PTPRK: variants seen among roughly 807,000 people sequenced by gnomAD.
PTPRK encodes the protein receptor-type tyrosine-protein phosphatase kappa.
A neutral mutation model predicts 178.0 loss-of-function variants in PTPRK; 75 were observed. That is an observed-to-expected ratio of 0.42 (90% confidence interval 0.35 to 0.51). PTPRK has a LOEUF of 0.51. Ranked by LOEUF, PTPRK falls within the 20% of genes least tolerant of loss-of-function variation. The probability of loss-of-function intolerance (pLI) is 0.02; values close to 1 mark genes in which losing one functional copy is unlikely to be tolerated. For synonymous variants in PTPRK, 637 were observed against 620.6 expected (o/e 1.03, Z -0.39); for missense variants, 1,441 against 1,797.8 (o/e 0.80, Z 3.59).
chr6:128,064,610 C>T (rs1485037883), intron 13 of PTPRK, 148 bp downstream of exon 13: 3 of 908,644 alleles, frequency 3.3e-6, no homozygotes, highest in South Asian at 2.8e-5. Flanking sequence ...GAAGTAGCAC[C>T]CCATTAGTTG....
In PTPRK at chr6:127,992,550, G is replaced by T. The variant is rs545398206; in HGVS notation, c.2881+123C>A. 1.9e-5 allele frequency: 13 copies of T among 701,256 alleles called. No individual in the cohort carries two copies. In the African/African-American group the frequency reaches 2.0e-4, roughly 11 times the overall value. The allele number at this position is 701,256 out of a possible 1,614,324, so 43.4% of individuals were successfully genotyped here. Reference sequence around the variant, plus strand: ...GTACTATACAAATGAGTAAGGAGCAGTGTTAATCAGAAGGGCTGATTTTTT... The same window carrying T: ...GTACTATACAAATGAGTAAGGAGCATTGTTAATCAGAAGGGCTGATTTTTT... On this transcript the variant is annotated intron_variant, in intron 19 of 29. Transcript: ENST00000368226.
intron 15 of PTPRK, among the ~76,000 whole-genome samples, chr6:128,002,221 G>T (rs997952146): frequency 8.6e-5 from 13 of 151,738 alleles, no homozygotes; most frequent in African/African-American, 3.1e-4. Flanking sequence ...TTTTAAAAAT[G>T]CAATTGAACA....
chr6:128,034,555 G>A (rs976717207), intron 13 of PTPRK, among the ~76,000 whole-genome samples: 5 of 151,832 alleles, frequency 3.3e-5, no homozygotes, highest in Non-Finnish European at 5.9e-5. Flanking sequence ...TGATACAGGG[G>A]GAAAAAAATC....
intron 1 of PTPRK, among the ~76,000 whole-genome samples, chr6:128,398,144 G>A (rs953072106): frequency 6.6e-6 from 1 of 152,200 alleles, no homozygotes. Context: ...GAGTGCGCGA[G>A]CAGCAGCTCA....
chr6:128,493,280 T>A (rs369524398), intron 1 of PTPRK, among the ~76,000 whole-genome samples: 21 of 152,262 alleles, frequency 1.4e-4, no homozygotes, highest in African/African-American at 5.1e-4. Flanking sequence ...CCCCGCTAAC[T>A]GGCTGGGCGC....
At chr6:128,264,080 G>A (rs1818586470) in intron 3 of PTPRK, among the ~76,000 whole-genome samples, 1 of 152,132 alleles carries the variant, frequency 6.6e-6, no homozygotes, top group Non-Finnish European at 1.5e-5. Flanking sequence ...GAGATTGGCA[G>A]CAAAGCTAAA....
chr6:128,376,522 G>A (rs566904333), intron 2 of PTPRK, among the ~76,000 whole-genome samples: 2 of 152,118 alleles, frequency 1.3e-5, no homozygotes, highest in African/African-American at 2.4e-5. Context: ...TGTGATGGGA[G>A]GGGCTGTTGT....
chr6:128,472,760 C>T (rs1211783216), intron 1 of PTPRK: 1 of 274,238 alleles, frequency 3.6e-6, no homozygotes, highest in African/African-American at 2.3e-5. Flanking sequence ...ATTAAGAAAA[C>T]TTAACATTGA....
chr6:128,152,851 G>A lies in PTPRK; in HGVS notation c.1162+31581C>T, dbSNP rs182067107. ...CATTTATATGATGTGACTCACAAAG[G>A]GGGAGCAACTTGCGGAAGAAGAGTG... On this transcript the variant is annotated intron_variant, in intron 7 of 29. Transcript: ENST00000368226. 6.7e-4 allele frequency among the ~76,000 whole-genome samples: 102 copies of A among 151,998 alleles called. 1 individual carries two copies. Among genetic ancestry groups the A allele is most frequent in the African/African-American group, 2.3e-3 (95 of 41,484 alleles).
chr6:128,058,621 G>A (rs1338805426), intron 13 of PTPRK, among the ~76,000 whole-genome samples: 2 of 151,798 alleles, frequency 1.3e-5, no homozygotes, highest in Non-Finnish European at 2.9e-5. Flanking sequence ...GGCATCTTTT[G>A]ACAGGAAAGA....
At position 127,972,942 on chromosome 6, in the gene PTPRK, G is replaced by C. The variant is rs150551987; in HGVS notation, c.4269+80C>G. On this transcript the variant is annotated intron_variant, in intron 29 of 29. Coordinates refer to ENST00000368226, the MANE Select transcript of PTPRK (RefSeq NM_002844.4). ...TTTTCACATCTGATTCCCTATGTGT[G>C]TATGAAGTCAAATCAATAAGTAGGT... 32 of 1,403,908 alleles carry C rather than the reference G, an allele frequency of 2.3e-5. No homozygotes were observed. The East Asian group carries it at 7.3e-4, about 32-fold the overall frequency. 87.0% of individuals were successfully genotyped at this position (1,403,908 alleles called of 1,614,324 possible).
chr6:128,371,949 T>A (rs1021427687), intron 2 of PTPRK, among the ~76,000 whole-genome samples: 6 of 152,186 alleles, frequency 3.9e-5, no homozygotes, highest in Non-Finnish European at 7.3e-5. Flanking sequence ...CTCAGCTTTT[T>A]AATTACTCTG....
chr6:128,345,004 G>A (rs1048078822), intron 2 of PTPRK, among the ~76,000 whole-genome samples: 1 of 151,046 alleles, frequency 6.6e-6, no homozygotes, highest in African/African-American at 2.4e-5. Flanking sequence ...GAATGGGGGG[G>A]GAAAGTAGGT....
intron 6 of PTPRK, among the ~76,000 whole-genome samples, chr6:128,209,977 T>G (rs1053409118): frequency 5.9e-5 from 9 of 152,130 alleles, no homozygotes; most frequent in Non-Finnish European, 1.2e-4. Context: ...AAGCTGCCAG[T>G]GCCAGGGGGA....
At chr6:128,156,293 C>G (rs1400704641) in intron 7 of PTPRK, among the ~76,000 whole-genome samples, 1 of 151,794 alleles carries the variant, frequency 6.6e-6, no homozygotes, top group African/African-American at 2.4e-5. Context: ...ATAATACATA[C>G]TAGGTATTTG....
intron 6 of PTPRK, among the ~76,000 whole-genome samples, chr6:128,190,674 T>G (rs1193373056): frequency 1.3e-5 from 2 of 151,718 alleles, no homozygotes; most frequent in Non-Finnish European, 2.9e-5. Context: ...AATTTTTGTA[T>G]TTTTAGTAGA....
At chr6:128,002,102 T>C (rs1012796370) in intron 15 of PTPRK, among the ~76,000 whole-genome samples, 2 of 151,604 alleles carry the variant, frequency 1.3e-5, no homozygotes, top group Non-Finnish European at 2.9e-5. Context: ...CAGATTATTT[T>C]AGAATATATA....
chr6:128,485,842 C>T (rs946093125), intron 1 of PTPRK, among the ~76,000 whole-genome samples: 31 of 152,084 alleles, frequency 2.0e-4, no homozygotes, highest in African/African-American at 4.6e-4. Flanking sequence ...TCTGATTCTA[C>T]GAAAAATAAT....
chr6:128,361,334 AACAAACAGTATTCAGTT>A (rs1416550242), intron 2 of PTPRK, among the ~76,000 whole-genome samples: 1 of 152,196 alleles, frequency 6.6e-6, no homozygotes, highest in Non-Finnish European at 1.5e-5. Flanking sequence ...ATATTTAAAA[AACAAACAGTATTCAGTT>A]ACTTTTTGTT....
Sources: gnomAD v4.1 joint callset for allele counts (sites outside exome capture counted in the v4.1 genomes callset) on GRCh38, gnomAD v4.1.1 for gene constraint, MANE v1.5 for transcripts, NCBI Gene and HGNC (gene_info 2026-07-23, HGNC 2026-07-21) for gene names.